Variants in SVOPL observed in about 807,000 individuals in gnomAD.
SVOPL encodes SVOP like, also known as putative transporter SVOPL.
In SVOPL, 60 loss-of-function variants were observed where a neutral mutation model predicts 61.0. The observed-to-expected ratio is 0.98, with a 90% CI of 0.80 to 1.22. SVOPL has a LOEUF of 1.22. SVOPL is among the 50% of genes most tolerant of loss of function. The probability of loss-of-function intolerance (pLI) is 0.00; values close to 1 mark genes in which losing one functional copy is unlikely to be tolerated. For synonymous variants in SVOPL, 279 were observed against 250.0 expected (o/e 1.12, Z -1.09); for missense variants, 662 against 643.9 (o/e 1.03, Z -0.30).
intron 14 of SVOPL, among the ~76,000 whole-genome samples, chr7:138,607,927 A>AT (rs1264072430): frequency 2.0e-5 from 3 of 152,258 alleles, no homozygotes; most frequent in Admixed American, 6.5e-5. Context: ...AAAAATCAAT[A>AT]TTAAAAAAAT....
intron 14 of SVOPL, among the ~76,000 whole-genome samples, chr7:138,611,923 G>A (rs1378652199): frequency 4.2e-4 from 3 of 7,154 alleles, no homozygotes; most frequent in Non-Finnish European, 5.8e-4. Flanking sequence ...GAACGGGCCA[G>A]GATGACAATG....
At chr7:138,676,286 C>T (rs1802558045) in intron 3 of SVOPL, among the ~76,000 whole-genome samples, 1 of 152,228 alleles carries the variant, frequency 6.6e-6, no homozygotes, top group Non-Finnish European at 1.5e-5. Context: ...TGTCTTAGTC[C>T]ATTTGTGCTG....
At chr7:138,674,342 G>A (rs1011806124) in intron 3 of SVOPL, among the ~76,000 whole-genome samples, 1 of 151,934 alleles carries the variant, frequency 6.6e-6, no homozygotes, top group African/African-American at 2.4e-5. Context: ...TATGGCCTCT[G>A]AATAAGGGCC....
chr7:138,627,435 T>C lies in SVOPL; in HGVS notation c.1096A>G (p.Asn366Asp). Residue 366 changes from asparagine to aspartate, a missense_variant, in exon 12 of 16, where the codon AAT becomes GAT. Transcript: ENST00000674285. The stretch of plus-strand genomic sequence containing the variant: ...AGGCTCAGCCGTCTTCCCAGGAAAT[T>C]GATGCCCAGTATATTTAAAGGATTC... ...ALNPLNILGI[N>D]FLGRRLSLSI... is the part of the protein sequence containing the mutation. The C allele has an allele frequency of 1.9e-6, 3 of 1,613,768 alleles. No homozygotes were observed. Among genetic ancestry groups the C allele is most frequent in the Non-Finnish European group, 2.5e-6 (3 of 1,179,694 alleles).
Position 138,599,965 on chromosome 7 carries a change from T to G in SVOPL, c.1354-3435A>C, listed in dbSNP as rs564711694. ...GAAAGCCTCTGAACTTTCATTTTTA[T>G]AAATATTTGCAGAAATATGAACAAG... is the stretch of plus-strand genomic sequence containing the variant. On this transcript the variant is annotated intron_variant, in intron 14 of 15. Transcript: ENST00000674285. Among the ~76,000 whole-genome samples the G allele has an allele frequency of 2.6e-5, 4 of 152,052 alleles. No homozygotes were observed. The East Asian group carries it at 7.7e-4, about 29-fold the overall frequency.
chr7:138,671,942 C>T, intron 4 of SVOPL, 77 bp downstream of exon 4: 1 of 1,367,834 alleles, frequency 7.3e-7, no homozygotes, highest in Non-Finnish European at 1.0e-6. Context: ...CCCTTTGGCT[C>T]TCAGCCCTGC....
chr7:138,678,582 G>C, intron 2 of SVOPL, 57 bp from the exon 3 acceptor site: 2 of 1,500,412 alleles, frequency 1.3e-6, no homozygotes, highest in Non-Finnish European at 1.8e-6. Flanking sequence ...GAATGCGTGT[G>C]GACTATCAGC....
At chr7:138,605,982 A>T (rs551908311) in intron 14 of SVOPL, among the ~76,000 whole-genome samples, 1 of 148,558 alleles carries the variant, frequency 6.7e-6, no homozygotes, top group East Asian at 2.0e-4. Context: ...ATACAAATAA[A>T]TTTTTTTTTA....
chr7:138,628,027 G>A, intron 11 of SVOPL, 131 bp downstream of exon 11: 1 of 1,036,374 alleles, frequency 9.6e-7, no homozygotes, highest in Non-Finnish European at 1.4e-6. Flanking sequence ...AGATTTTTCA[G>A]CACTACTTGG....
At chr7:138,688,247 A>G (rs1486844072) in intron 1 of SVOPL, among the ~76,000 whole-genome samples, 2 of 151,580 alleles carry the variant, frequency 1.3e-5, no homozygotes, top group Non-Finnish European at 2.9e-5. Flanking sequence ...ATCACTTCCT[A>G]CTCAGTAGGA....
At chr7:138,689,534 T>A in intron 1 of SVOPL, 1 of 605,498 alleles carries the variant, frequency 1.7e-6, no homozygotes, top group Non-Finnish European at 2.9e-6. Flanking sequence ...AAATTCAGCA[T>A]TAAAATAAAT....
chr7:138,597,981 C>A (rs186221679), intron 14 of SVOPL, among the ~76,000 whole-genome samples: 12 of 152,216 alleles, frequency 7.9e-5, no homozygotes, highest in African/African-American at 2.6e-4. Flanking sequence ...AGGCTTTTTG[C>A]CTTCCCTGAA....
intron 1 of SVOPL, among the ~76,000 whole-genome samples, chr7:138,682,520 A>G (rs1011113764): frequency 6.6e-6 from 1 of 152,222 alleles, no homozygotes; most frequent in African/African-American, 2.4e-5. Context: ...GAAGCTGTAT[A>G]AGAAAAATGA....
intron 7 of SVOPL, among the ~76,000 whole-genome samples, chr7:138,654,064 C>T (rs928884743): frequency 2.0e-5 from 3 of 149,876 alleles, no homozygotes; most frequent in African/African-American, 7.4e-5. Flanking sequence ...ACCCAGGAGG[C>T]AGATGTTGCA....
At chr7:138,607,123 G>A (rs1411843272) in intron 14 of SVOPL, among the ~76,000 whole-genome samples, 1 of 152,006 alleles carries the variant, frequency 6.6e-6, no homozygotes, top group Admixed American at 6.6e-5. Flanking sequence ...GACGGGTTTG[G>A]GGAGAGATGT....
At chr7:138,636,307 T>A (rs1301868598) in intron 9 of SVOPL, among the ~76,000 whole-genome samples, 3 of 152,126 alleles carry the variant, frequency 2.0e-5, no homozygotes, top group Non-Finnish European at 4.4e-5. Context: ...TTATAAGAAA[T>A]GTGCAGTACT....
chr7:138,695,030 C>T (rs563196249), intron 1 of SVOPL, among the ~76,000 whole-genome samples: 14 of 152,274 alleles, frequency 9.2e-5, no homozygotes, highest in Admixed American at 2.0e-4. Context: ...TGAGCCACCA[C>T]GCCTGGCCAA....
chr7:138,683,438 T>C (rs1181825136), intron 1 of SVOPL, among the ~76,000 whole-genome samples: 1 of 152,008 alleles, frequency 6.6e-6, no homozygotes, highest in African/African-American at 2.4e-5. Context: ...CGGGATCTCA[T>C]CTCACTGCAA....
At chr7:138,686,901 TAAC>T (rs1353365770) in intron 1 of SVOPL, among the ~76,000 whole-genome samples, 1 of 152,078 alleles carries the variant, frequency 6.6e-6, no homozygotes, top group Admixed American at 6.6e-5. Flanking sequence ...AAGATAAACA[TAAC>T]AAACAATTAT....
Sources: gnomAD v4.1 joint callset for allele counts (sites outside exome capture counted in the v4.1 genomes callset) on GRCh38, gnomAD v4.1.1 for gene constraint, MANE v1.5 for transcripts, NCBI Gene and HGNC (gene_info 2026-07-23, HGNC 2026-07-21) for gene names.